NT5DC1: variants seen among roughly 807,000 people sequenced by gnomAD.
The protein encoded by NT5DC1 is 5'-nucleotidase domain-containing protein 1.
In NT5DC1, 42 loss-of-function variants were observed where a neutral mutation model predicts 59.4. That is an observed-to-expected ratio of 0.71 (90% CI 0.55 to 0.92). The LOEUF (loss-of-function observed/expected upper bound fraction) is 0.92, where lower values mean the gene tolerates loss of function less well. Among genes scored for constraint, NT5DC1 ranks in the 40% least tolerant of loss-of-function variants. The pLI, the probability that NT5DC1 is intolerant of heterozygous loss-of-function variation, is 0.00. For missense variants in NT5DC1, 501 were observed against 537.1 expected, an observed-to-expected ratio of 0.93 and a Z score of 0.66; for synonymous variants, 172 against 188.1, an observed-to-expected ratio of 0.91 and a Z score of 0.70.
intron 6 of NT5DC1, chr6:116,126,281 C>G (rs1262410099): frequency 1.3e-5 from 2 of 152,098 alleles, no homozygotes. Context: ...GGGCTGGGCT[C>G]TCCTTTTCCT....
chr6:116,167,206 A>ATTTTTTTT (rs61348980), intron 6 of NT5DC1, among the ~76,000 whole-genome samples: 3 of 87,796 alleles, frequency 3.4e-5, no homozygotes, highest in Non-Finnish European at 6.3e-5. Flanking sequence ...CAAATAGAAG[A>ATTTTTTTT]TTTTTTTTTT....
At chr6:116,146,270 A>T (rs528862268) in intron 6 of NT5DC1, among the ~76,000 whole-genome samples, 9 of 152,242 alleles carry the variant, frequency 5.9e-5, no homozygotes, top group Non-Finnish European at 1.0e-4. Context: ...ATCAAAAGTT[A>T]TCTAGGCTTC....
intron 6 of NT5DC1, among the ~76,000 whole-genome samples, chr6:116,157,142 C>G (rs1210726710): frequency 2.0e-5 from 3 of 152,160 alleles, no homozygotes; most frequent in Non-Finnish European, 4.4e-5. Flanking sequence ...CAAAGCAAAA[C>G]TAACCTTTGG....
rs1780585258 is a variant in NT5DC1 at position 116,170,730 on chromosome 6, C to CT, written c.530-50323dup. Among the ~76,000 whole-genome samples the CT allele has an allele frequency of 2.0e-5, 3 of 152,304 alleles. No individual in the cohort carries two copies. In the South Asian group the frequency reaches 6.2e-4, roughly 32 times the overall value. ...TACCCCAAAATTCAGCCTTAGCAAA[C>CT]TGCTTGCTTGCTGGTACTAGGAAAT... On this transcript the variant is annotated intron_variant, in intron 6 of 11. Coordinates refer to ENST00000319550, the MANE Select transcript of NT5DC1 (RefSeq NM_152729.3).
chr6:116,182,272 T>A (rs568786226), intron 6 of NT5DC1, among the ~76,000 whole-genome samples: 9 of 150,710 alleles, frequency 6.0e-5, no homozygotes, highest in Admixed American at 2.6e-4. Flanking sequence ...TTTCTTTTTC[T>A]TTATCCACTC....
At chr6:116,187,977 T>TA (rs1781039123) in intron 6 of NT5DC1, among the ~76,000 whole-genome samples, 1 of 151,898 alleles carries the variant, frequency 6.6e-6, no homozygotes, top group South Asian at 2.1e-4. Context: ...TTATCTAGTG[T>TA]AAAAAAGACC....
chr6:116,147,296 G>A (rs1779921799), intron 6 of NT5DC1, among the ~76,000 whole-genome samples: 1 of 151,924 alleles, frequency 6.6e-6, no homozygotes, highest in Admixed American at 6.6e-5. Context: ...ACAAAAAGTA[G>A]CTGGGCGTGG....
chr6:116,213,425 G>A (rs1278144912), intron 6 of NT5DC1, among the ~76,000 whole-genome samples: 1 of 152,070 alleles, frequency 6.6e-6, no homozygotes, highest in Non-Finnish European at 1.5e-5. Flanking sequence ...CTTCCAACAG[G>A]TAAGGAGTCG....
At chr6:116,185,074 T>C (rs1214081763) in intron 6 of NT5DC1, among the ~76,000 whole-genome samples, 1 of 152,126 alleles carries the variant, frequency 6.6e-6, no homozygotes, top group Admixed American at 6.6e-5. Context: ...CTATTATCAT[T>C]AAGTTTAAAG....
chr6:116,147,893 T>G (rs1407399489), intron 6 of NT5DC1, among the ~76,000 whole-genome samples: 1 of 151,014 alleles, frequency 6.6e-6, no homozygotes, highest in Non-Finnish European at 1.5e-5. Context: ...GAGGCAGGCA[T>G]GGGAATCGCT....
At chr6:116,219,983 A>G (rs952262950) in intron 6 of NT5DC1, among the ~76,000 whole-genome samples, 1 of 132,960 alleles carries the variant, frequency 7.5e-6, no homozygotes, top group Admixed American at 7.2e-5. Context: ...AAAAAAAAAA[A>G]ACAACTCTTC....
chr6:116,202,514 G>T (rs943596325), intron 6 of NT5DC1, among the ~76,000 whole-genome samples: 8 of 151,838 alleles, frequency 5.3e-5, no homozygotes, highest in Non-Finnish European at 1.2e-4. Flanking sequence ...ATTGGCAATA[G>T]GTTTATTTCT....
At chr6:116,156,506 G>A (rs1353159237) in intron 6 of NT5DC1, among the ~76,000 whole-genome samples, 7 of 152,158 alleles carry the variant, frequency 4.6e-5, no homozygotes, top group East Asian at 3.8e-4. Flanking sequence ...AAAGGAATGC[G>A]TCTTAAGGAA....
intron 11 of NT5DC1, among the ~76,000 whole-genome samples, chr6:116,240,839 G>C (rs918993031): frequency 1.3e-5 from 2 of 152,128 alleles, no homozygotes; most frequent in African/African-American, 2.4e-5. Flanking sequence ...GTTAAACATT[G>C]TAAAGAATAA....
intron 6 of NT5DC1, among the ~76,000 whole-genome samples, chr6:116,126,485 A>G (rs1258116279): frequency 6.6e-6 from 1 of 152,158 alleles, no homozygotes; most frequent in Admixed American, 6.6e-5. Context: ...ATTATATAAT[A>G]TGTGGTAGTA....
At chr6:116,119,235 T>A (rs546821214) in intron 6 of NT5DC1, 13 of 152,808 alleles carry the variant, frequency 8.5e-5, no homozygotes, top group African/African-American at 2.9e-4. Context: ...AAGGTACATG[T>A]GCTAATGTTC....
intron 6 of NT5DC1, among the ~76,000 whole-genome samples, chr6:116,168,652 T>C (rs1230139090): frequency 4.6e-5 from 7 of 152,176 alleles, no homozygotes; most frequent in Admixed American, 4.6e-4. Context: ...TTTTATATTA[T>C]ATTGTCTCCT....
chr6:116,236,839 A>T (rs1173039781), intron 8 of NT5DC1, 127 bp from the exon 9 acceptor site: 6 of 633,442 alleles, frequency 9.5e-6, no homozygotes, highest in Middle Eastern at 4.3e-4. Context: ...GTACCACTGA[A>T]TGTCAGCTCC....
At chr6:116,144,374 G>A (rs138260310) in intron 6 of NT5DC1, among the ~76,000 whole-genome samples, 2 of 152,022 alleles carry the variant, frequency 1.3e-5, no homozygotes, top group Non-Finnish European at 2.9e-5. Context: ...GATGGTGCAC[G>A]CCTGTAGTCC....
Sources: allele counts gnomAD v4.1 joint callset (sites outside exome capture counted in the v4.1 genomes callset), GRCh38; gene constraint gnomAD v4.1.1; transcripts MANE v1.5; gene names NCBI Gene and HGNC (gene_info 2026-07-23, HGNC 2026-07-21).